The following TRPM3 variants were observed in gnomAD, a reference collection of about 807,000 sequenced individuals.
The protein encoded by TRPM3 is transient receptor potential cation channel subfamily M member 3, also known as long transient receptor potential channel 3.
A neutral mutation model predicts 181.2 loss-of-function variants in TRPM3; 77 were observed. The observed-to-expected ratio is 0.42, with a 90% CI of 0.35 to 0.51. The LOEUF (loss-of-function observed/expected upper bound fraction) is 0.51, where lower values mean the gene tolerates loss of function less well. TRPM3 is among the 20% of genes least tolerant of loss of function. TRPM3 has a pLI of 0.01. For synonymous variants in TRPM3, 745 were observed against 796.4 expected (o/e 0.94, Z 1.09); for missense variants, 1,759 against 2,196.7 (o/e 0.80, Z 3.98).
At chr9:70,775,203 A>G (rs1470526452) in intron 7 of TRPM3, 1 of 152,236 alleles carries the variant, frequency 6.6e-6, no homozygotes, top group East Asian at 1.9e-4. Context: ...GGAATGAAAC[A>G]CCAGTACATT....
intron 1 of TRPM3, among the ~76,000 whole-genome samples, chr9:71,268,954 C>A (rs189113292): frequency 6.6e-6 from 1 of 152,286 alleles, no homozygotes; most frequent in African/African-American, 2.4e-5. Context: ...TAGAGGCCAT[C>A]TCAGCCAGAG....
intron 1 of TRPM3, among the ~76,000 whole-genome samples, chr9:71,084,501 C>T (rs2064944588): frequency 6.6e-6 from 1 of 151,888 alleles, no homozygotes; most frequent in Non-Finnish European, 1.5e-5. Flanking sequence ...AGAGCCAAAT[C>T]AAGAATGCAA....
intron 9 of TRPM3, among the ~76,000 whole-genome samples, chr9:70,662,085 T>C (rs1266246829): frequency 6.6e-6 from 1 of 152,074 alleles, no homozygotes; most frequent in East Asian, 1.9e-4. Flanking sequence ...CATAGACCAA[T>C]GGAACAGAAA....
At chr9:70,619,243 C>T (rs2063241199) in intron 16 of TRPM3, 148 bp from the exon 17 acceptor site, 2 of 650,158 alleles carry the variant, frequency 3.1e-6, no homozygotes, top group Admixed American at 2.9e-5. Flanking sequence ...ATTCATCCAG[C>T]CAACATCCAC....
In TRPM3 at chr9:71,052,815, C is replaced by T. The variant is rs568384833; in HGVS notation, c.177+68363G>A. 3.3e-5 allele frequency among the ~76,000 whole-genome samples: 5 copies of T among 151,986 alleles called. No individual in the cohort carries two copies. In the South Asian group the frequency reaches 8.3e-4, roughly 25 times the overall value. On this transcript the variant is annotated intron_variant, in intron 1 of 25. Coordinates refer to ENST00000677713, the MANE Select transcript of TRPM3 (RefSeq NM_001366145.2). ...TACTATCTTCAGTGCACAAGCAAAG[C>T]GTATCTCACTTTCACCAAGTAAAAT...
At chr9:71,446,570 A>G in intron 1 of TRPM3, 1 of 1,399,976 alleles carries the variant, frequency 7.1e-7, no homozygotes, top group Non-Finnish European at 9.7e-7. Flanking sequence ...TAGGGAGGCA[A>G]GTTCAGCACC....
intron 1 of TRPM3, among the ~76,000 whole-genome samples, chr9:70,990,560 T>A (rs2097470572): frequency 6.6e-6 from 1 of 152,156 alleles, no homozygotes; most frequent in South Asian, 2.1e-4. Flanking sequence ...ACACCCTGGG[T>A]TTGAAATGTT....
intron 1 of TRPM3, among the ~76,000 whole-genome samples, chr9:71,297,405 G>A (rs922523203): frequency 1.3e-5 from 2 of 152,152 alleles, no homozygotes; most frequent in African/African-American, 4.8e-5. Flanking sequence ...AACTGCCTGA[G>A]ACTGGATAAT....
At chr9:71,444,967 A>G (rs2094184159) in intron 1 of TRPM3, among the ~76,000 whole-genome samples, 1 of 152,190 alleles carries the variant, frequency 6.6e-6, no homozygotes, top group African/African-American at 2.4e-5. Context: ...CTGAATTACT[A>G]ATGTTTCAAT....
intron 1 of TRPM3, among the ~76,000 whole-genome samples, chr9:71,211,572 G>A (rs2079509660): frequency 6.6e-6 from 1 of 152,038 alleles, no homozygotes; most frequent in African/African-American, 2.4e-5. Context: ...TTGTTGGGAG[G>A]GCTGATTCCT....
chr9:70,955,532 G>A (rs891209223), intron 1 of TRPM3, among the ~76,000 whole-genome samples: 20 of 152,188 alleles, frequency 1.3e-4, no homozygotes, highest in Admixed American at 7.2e-4. Flanking sequence ...AACTCAAGTG[G>A]ATTGACATTA....
intron 1 of TRPM3, among the ~76,000 whole-genome samples, chr9:71,013,475 G>C (rs2097761840): frequency 6.6e-6 from 1 of 150,692 alleles, no homozygotes; most frequent in Admixed American, 6.6e-5. Context: ...GTTTTTTTTT[G>C]TATTTCTATG....
intron 1 of TRPM3, among the ~76,000 whole-genome samples, chr9:71,368,568 G>A (rs1314710915): frequency 8.2e-6 from 1 of 122,412 alleles, no homozygotes; most frequent in Non-Finnish European, 1.9e-5. Flanking sequence ...CACATAAAAA[G>A]TGATCTGAAA....
intron 1 of TRPM3, among the ~76,000 whole-genome samples, chr9:71,415,162 A>C (rs557709614): frequency 3.9e-5 from 6 of 152,188 alleles, no homozygotes; most frequent in Admixed American, 6.6e-5. Context: ...TGCGGCTACA[A>C]GCCAAAGAAT....
chr9:71,011,594 T>C (rs2097740534), intron 1 of TRPM3, among the ~76,000 whole-genome samples: 1 of 152,088 alleles, frequency 6.6e-6, no homozygotes, highest in Non-Finnish European at 1.5e-5. Context: ...ATCTTTGTTA[T>C]ATCTGCAAGT....
At chr9:71,245,376 G>A (rs561678866) in intron 1 of TRPM3, among the ~76,000 whole-genome samples, 4 of 151,384 alleles carry the variant, frequency 2.6e-5, no homozygotes, top group Admixed American at 2.0e-4. Context: ...CCCAGGAGGC[G>A]GAAGTTGCAG....
At chr9:70,852,937 A>T (rs1415226) in intron 3 of TRPM3, among the ~76,000 whole-genome samples, 10,021 of 152,260 alleles carry the variant, frequency 0.066, 445 homozygotes, top group Middle Eastern at 0.13. Flanking sequence ...ATAACTCTTA[A>T]TCAAACCCAG....
chr9:71,038,003 C>T (rs529938155), intron 1 of TRPM3, among the ~76,000 whole-genome samples: 1 of 152,306 alleles, frequency 6.6e-6, no homozygotes, highest in South Asian at 2.1e-4. Flanking sequence ...CACAGTAGTG[C>T]TTACTGATTA....
chr9:71,326,426 G>C (rs1565464434), intron 1 of TRPM3, among the ~76,000 whole-genome samples: 2 of 151,998 alleles, frequency 1.3e-5, no homozygotes, highest in African/African-American at 4.8e-5. Flanking sequence ...ATGTATGTTT[G>C]TATGTATGTA....
Sources: allele counts gnomAD v4.1 joint callset (sites outside exome capture counted in the v4.1 genomes callset), GRCh38; gene constraint gnomAD v4.1.1; transcripts MANE v1.5; gene names NCBI Gene and HGNC (gene_info 2026-07-23, HGNC 2026-07-21).